The following SCCPDH variants were observed in gnomAD, a reference collection of about 807,000 sequenced individuals.
SCCPDH encodes the protein saccharopine dehydrogenase-like oxidoreductase.
In SCCPDH, 34 loss-of-function variants were observed where a neutral mutation model predicts 51.5. The observed-to-expected ratio is 0.66, with a 90% confidence interval of 0.50 to 0.88. The LOEUF (loss-of-function observed/expected upper bound fraction) is 0.88. SCCPDH is among the 40% of genes least tolerant of loss of function. The pLI is 0.00. For missense variants in SCCPDH, 464 were observed against 527.1 expected, an observed-to-expected ratio of 0.88 and a Z score of 1.17; for synonymous variants, 187 against 191.3, an observed-to-expected ratio of 0.98 and a Z score of 0.19.
At chr1:246,753,069 TTCTC>T (rs564911595) in intron 5 of SCCPDH, among the ~76,000 whole-genome samples, 1 of 149,540 alleles carries the variant, frequency 6.7e-6, no homozygotes, top group Non-Finnish European at 1.5e-5. Flanking sequence ...CTCTCTCTCT[TTCTC>T]TCTCCTTGAC....
At chr1:246,767,160 T>C (rs752631885) in intron 11 of SCCPDH, 35 bp from the exon 12 acceptor site, 2 of 1,466,022 alleles carry the variant, frequency 1.4e-6, no homozygotes, top group Non-Finnish European at 1.9e-6. Flanking sequence ...GGAGAGGAGC[T>C]GAGTGCACTG....
chr1:246,725,859 A>T (rs1202020333), intron 1 of SCCPDH, among the ~76,000 whole-genome samples: 3 of 152,116 alleles, frequency 2.0e-5, no homozygotes, highest in African/African-American at 7.2e-5. Flanking sequence ...TGCATCACTT[A>T]GTTGAGCCAG....
At chr1:246,766,685 A>G (rs769415835) in intron 11 of SCCPDH, among the ~76,000 whole-genome samples, 14 of 152,232 alleles carry the variant, frequency 9.2e-5, no homozygotes, top group Non-Finnish European at 1.9e-4. Context: ...TAAAAGTAAA[A>G]TTTGTATATA....
At chr1:246,738,025 A>G (rs1372756946) in intron 3 of SCCPDH, among the ~76,000 whole-genome samples, 1 of 152,050 alleles carries the variant, frequency 6.6e-6, no homozygotes. Flanking sequence ...GCGAAACCCC[A>G]TCTCTACTAA....
At chr1:246,749,014 C>T (rs1426645818) in intron 5 of SCCPDH, among the ~76,000 whole-genome samples, 5 of 152,180 alleles carry the variant, frequency 3.3e-5, no homozygotes, top group East Asian at 1.9e-4. Flanking sequence ...GTGAAAGGCA[C>T]GAGGTGAAGT....
At chr1:246,724,991 T>C (rs2102977945) in intron 1 of SCCPDH, among the ~76,000 whole-genome samples, 1 of 152,166 alleles carries the variant, frequency 6.6e-6, no homozygotes, top group Non-Finnish European at 1.5e-5. Flanking sequence ...GGTTTCTAGA[T>C]GTTTGGTCGG....
intron 5 of SCCPDH, among the ~76,000 whole-genome samples, chr1:246,752,291 C>G (rs1668862107): frequency 6.6e-6 from 1 of 152,104 alleles, no homozygotes; most frequent in Non-Finnish European, 1.5e-5. Context: ...AGGACCTAGA[C>G]AGAAGTGCAG....
intron 5 of SCCPDH, among the ~76,000 whole-genome samples, chr1:246,753,101 A>G (rs1443624164): frequency 7.0e-6 from 1 of 142,392 alleles, no homozygotes; most frequent in Non-Finnish European, 1.5e-5. Context: ...GTTCCCTGTC[A>G]GTCTTTCTCC....
chr1:246,736,299 A>G (rs534433783), intron 3 of SCCPDH, among the ~76,000 whole-genome samples: 30 of 152,342 alleles, frequency 2.0e-4, no homozygotes, highest in African/African-American at 6.3e-4. Flanking sequence ...GTCTGTGCTT[A>G]TTATAGCTAC....
intron 4 of SCCPDH, among the ~76,000 whole-genome samples, chr1:246,742,615 A>G (rs1163490428): frequency 6.6e-6 from 1 of 152,236 alleles, no homozygotes; most frequent in African/African-American, 2.4e-5. Context: ...TGGTCAGACT[A>G]ACGACATTTA....
intron 5 of SCCPDH, among the ~76,000 whole-genome samples, chr1:246,746,272 G>C (rs960716349): frequency 7.0e-4 from 106 of 152,232 alleles, no homozygotes; most frequent in Admixed American, 2.6e-3. Flanking sequence ...GATTGATTGA[G>C]CAAGCAGGGG....
chr1:246,758,338 G>A lies in SCCPDH; in HGVS notation c.677G>A (p.Gly226Asp). 1.2e-6 allele frequency: 2 copies of A among 1,602,876 alleles called. No individual in the cohort carries two copies. The highest frequency in any genetic ancestry group is 1.7e-6 in the Non-Finnish European group (2 of 1,175,564). ...AATCTGAAACCTGTCCCGCTCATTG[G>A]TCCAAAATTGAAGAGAAGGTAAATT... Reference protein sequence around the residue: ...VSNLKPVPLIGPKLKRRWPIS... With the variant: ...VSNLKPVPLIDPKLKRRWPIS... The change falls in exon 6 of 12, where the codon GGT (glycine) becomes GAT (aspartate). Residue 226 changes from glycine to aspartate, a missense_variant. Gly to Asp is a moderately conservative substitution (Grantham distance 94, BLOSUM62 -1). Coordinates refer to ENST00000366510, the MANE Select transcript of SCCPDH (RefSeq NM_016002.3).
chr1:246,726,855 C>A (rs1281071851), intron 1 of SCCPDH, 37 bp from the exon 2 acceptor site: 1 of 1,405,070 alleles, frequency 7.1e-7, no homozygotes, highest in South Asian at 1.2e-5. Context: ...TAATCCTCTA[C>A]TGGGATTTAC....
intron 2 of SCCPDH, among the ~76,000 whole-genome samples, chr1:246,734,388 T>G (rs1470443948): frequency 6.6e-6 from 1 of 152,228 alleles, no homozygotes; most frequent in African/African-American, 2.4e-5. Context: ...GTAGGCAATT[T>G]AAGTGATTTA....
chr1:246,730,340 T>C (rs1668472812), intron 2 of SCCPDH, among the ~76,000 whole-genome samples: 1 of 152,204 alleles, frequency 6.6e-6, no homozygotes. Flanking sequence ...GTAGTTTTCC[T>C]CCTGTCCACC....
At position 246,767,865 on chromosome 1, in the gene SCCPDH, TTTGTA is replaced by T. The variant is rs1312067547; in HGVS notation, c.*567_*571del. On this transcript the variant is annotated 3_prime_UTR_variant, in exon 12 of 12. Coordinates refer to ENST00000366510, the MANE Select transcript of SCCPDH (RefSeq NM_016002.3). ...TTTAATGTTTGGACCTGCCGATGTA[TTTGTA>T]TAGTGGTAGAAACATGCTGCTTAAG... 4 of 152,252 alleles carry T rather than the reference TTTGTA, an allele frequency of 2.6e-5. No individual in the cohort carries two copies. Among genetic ancestry groups the T allele is most frequent in the Admixed American group, 2.6e-4 (4 of 15,284 alleles). The allele number at this position is 152,252 out of a possible 1,614,324, so 9.4% of individuals were successfully genotyped here. A position where few individuals can be genotyped will look rare whatever the true frequency, so the allele number is the denominator to read the frequency against.
At chr1:246,748,934 A>G (rs1668810268) in intron 5 of SCCPDH, among the ~76,000 whole-genome samples, 1 of 152,216 alleles carries the variant, frequency 6.6e-6, no homozygotes, top group South Asian at 2.1e-4. Flanking sequence ...CTGGTGGGTA[A>G]GCTCTGGAAA....
rs760347792 is a variant in SCCPDH at position 246,726,942 on chromosome 1, A to G, written c.241A>G (p.Asn81Asp). The G allele has an allele frequency of 6.2e-7, 1 of 1,614,206 alleles. No individual in the cohort carries two copies. The highest frequency in any genetic ancestry group is 1.1e-5 in the South Asian group (1 of 91,086). ...TGGAATCATCATCTGTGATATTGCT[A>G]ATCCAGCCTCGCTTGATGAAATGGC... Reference protein sequence around the residue: ...EVGIIICDIANPASLDEMAKQ... With the variant: ...EVGIIICDIADPASLDEMAKQ... The change falls in exon 2 of 12, where the codon AAT becomes GAT. Residue 81 changes from asparagine (N) to aspartate (D), a missense_variant. Asn to Asp is a conservative substitution (Grantham distance 23). Coordinates refer to ENST00000366510, the MANE Select transcript of SCCPDH (RefSeq NM_016002.3).
intron 9 of SCCPDH, among the ~76,000 whole-genome samples, chr1:246,762,862 A>G (rs1669038915): frequency 2.1e-5 from 3 of 141,136 alleles, no homozygotes; most frequent in Admixed American, 1.4e-4. Flanking sequence ...AAAAAAAAAA[A>G]GAATCACCTA....
Sources: allele counts gnomAD v4.1 joint callset (sites outside exome capture counted in the v4.1 genomes callset), GRCh38; gene constraint gnomAD v4.1.1; transcripts MANE v1.5; gene names NCBI Gene and HGNC (gene_info 2026-07-23, HGNC 2026-07-21).